The following RBFOX1 variants were observed in gnomAD, a reference collection of about 807,000 sequenced individuals.
The protein encoded by RBFOX1 is RNA binding protein fox-1 homolog 1.
Under a neutral mutation model 57.7 loss-of-function variants are expected in RBFOX1, and 8 were observed. That is an observed-to-expected ratio of 0.14 (90% CI 0.08 to 0.25). RBFOX1 has a LOEUF of 0.25. Ranked by LOEUF, RBFOX1 falls within the 10% of genes least tolerant of loss-of-function variation. The pLI is 1.00. For synonymous variants in RBFOX1, 326 were observed against 222.4 expected (o/e 1.47, Z -4.15); for missense variants, 611 against 548.5 (o/e 1.11, Z -1.14).
rs963354747 is a variant in RBFOX1 at position 7,266,405 on chromosome 16, C to T, written c.27+214307C>T. On this transcript the variant is annotated intron_variant, in intron 4 of 15. Coordinates refer to ENST00000550418, the MANE Select transcript of RBFOX1 (RefSeq NM_018723.4). ...CCATGACGAAAGTCCCCTGAGGCTT[C>T]GCTGGAAGCCCAGCAGATGCCTGCG... Among the ~76,000 whole-genome samples the T allele has an allele frequency of 7.9e-5, 12 of 152,224 alleles. 1 individual carries two copies. The highest frequency in any genetic ancestry group is 2.4e-4 in the African/African-American group (10 of 41,458).
chr16:6,644,870 C>G (rs1191114791), intron 2 of RBFOX1, among the ~76,000 whole-genome samples: 2 of 152,152 alleles, frequency 1.3e-5, no homozygotes, highest in African/African-American at 4.8e-5. Flanking sequence ...TATTAAGTAG[C>G]CAAGCATCCT....
At chr16:6,540,729 C>A (rs944898738) in intron 2 of RBFOX1, among the ~76,000 whole-genome samples, 1 of 150,936 alleles carries the variant, frequency 6.6e-6, no homozygotes, top group Non-Finnish European at 1.5e-5. Flanking sequence ...TAAACATATT[C>A]AGATTTTAAA....
chr16:5,558,180 C>G (rs2045751339), intron 2 of RBFOX1, among the ~76,000 whole-genome samples: 1 of 152,316 alleles, frequency 6.6e-6, no homozygotes, highest in African/African-American at 2.4e-5. Flanking sequence ...ACTTGGGATA[C>G]AGAAGGCTGT....
Position 6,853,051 on chromosome 16 carries a change from A to C in RBFOX1, c.-16+198401A>C, listed in dbSNP as rs1218584210. ...GTCCCAGCTGGCTTATTGCCAGGCA[A>C]CCCAGAGACAGCCTCTGGTGTTACC... On this transcript the variant is annotated intron_variant, in intron 3 of 15. Transcript: ENST00000550418. Among the ~76,000 whole-genome samples the C allele has an allele frequency of 2.6e-5, 4 of 152,132 alleles. No homozygotes were observed. The East Asian group carries it at 5.8e-4, about 22-fold the overall frequency.
At chr16:5,710,417 C>T (rs2151505672) in intron 3 of RBFOX1, among the ~76,000 whole-genome samples, 1 of 152,280 alleles carries the variant, frequency 6.6e-6, no homozygotes, top group South Asian at 2.1e-4. Flanking sequence ...TAGCCTTGCG[C>T]AGTTGCGGGC....
chr16:7,602,764 C>G (rs537673205), intron 9 of RBFOX1, among the ~76,000 whole-genome samples: 18 of 152,284 alleles, frequency 1.2e-4, no homozygotes, highest in Non-Finnish European at 2.6e-4. Context: ...AATACCTTTT[C>G]CAACAGCTGC....
At chr16:7,634,322 T>C in intron 11 of RBFOX1, among the ~76,000 whole-genome samples, 1 of 152,158 alleles carries the variant, frequency 6.6e-6, no homozygotes, top group African/African-American at 2.4e-5. Context: ...AAGATAACTC[T>C]GGAGCTTCGT....
intron 3 of RBFOX1, among the ~76,000 whole-genome samples, chr16:5,830,867 G>A (rs942247511): frequency 1.3e-5 from 2 of 152,144 alleles, no homozygotes; most frequent in South Asian, 4.1e-4. Context: ...TGCCTACCAT[G>A]CATAGAATGA....
At chr16:6,774,328 G>A (rs2078964628) in intron 3 of RBFOX1, among the ~76,000 whole-genome samples, 2 of 152,120 alleles carry the variant, frequency 1.3e-5, no homozygotes, top group Non-Finnish European at 2.9e-5. Context: ...TCAGAATGCA[G>A]CCATTAGGGC....
chr16:7,602,691 C>G (rs1229584364), intron 9 of RBFOX1, among the ~76,000 whole-genome samples: 1 of 152,088 alleles, frequency 6.6e-6, no homozygotes, highest in Non-Finnish European at 1.5e-5. Flanking sequence ...CTCTGTAAGT[C>G]TGAGTGGAGG....
chr16:5,827,565 T>C (rs1030477448), intron 3 of RBFOX1, among the ~76,000 whole-genome samples: 19 of 152,086 alleles, frequency 1.2e-4, no homozygotes, highest in African/African-American at 4.3e-4. Context: ...GTAACTGTTT[T>C]AGGCTTTCTG....
chr16:5,751,926 A>G (rs779516071), intron 3 of RBFOX1, among the ~76,000 whole-genome samples: 3 of 152,246 alleles, frequency 2.0e-5, no homozygotes, highest in Non-Finnish European at 4.4e-5. Flanking sequence ...ATTCCTGGGT[A>G]TATACCCAAA....
chr16:7,143,822 T>A (rs1329950198), intron 4 of RBFOX1, among the ~76,000 whole-genome samples: 2 of 152,138 alleles, frequency 1.3e-5, no homozygotes, highest in Non-Finnish European at 2.9e-5. Context: ...ACACAGTATA[T>A]CTTACAGGTA....
chr16:5,252,652 C>T (rs2878071), intron 1 of RBFOX1, among the ~76,000 whole-genome samples: 74,372 of 151,264 alleles, frequency 0.49, 18,207 homozygotes, highest in East Asian at 0.59. Flanking sequence ...GTCTTCTTCA[C>T]GGGGGATGAC....
intron 1 of RBFOX1, among the ~76,000 whole-genome samples, chr16:5,424,979 T>TTTCTTTCTTTC (rs769526087): frequency 3.2e-5 from 2 of 61,810 alleles, no homozygotes; most frequent in Admixed American, 1.5e-4. Context: ...TCTTTCTTTC[T>TTTCTTTCTTTC]TTTCTTTTCT....
intron 1 of RBFOX1, among the ~76,000 whole-genome samples, chr16:5,253,888 G>A (rs185302384): frequency 6.6e-6 from 1 of 152,326 alleles, no homozygotes; most frequent in Non-Finnish European, 1.5e-5. Context: ...TCATCTGACA[G>A]TGGAGTCACT....
At chr16:6,414,921 G>T (rs1303182873) in intron 2 of RBFOX1, among the ~76,000 whole-genome samples, 1 of 152,060 alleles carries the variant, frequency 6.6e-6, no homozygotes, top group African/African-American at 2.4e-5. Context: ...GCAGAGCAAA[G>T]AATGAACCGG....
intron 4 of RBFOX1, among the ~76,000 whole-genome samples, chr16:7,209,788 G>C (rs112648732): frequency 0.011 from 1,633 of 152,236 alleles, 26 homozygotes; most frequent in African/African-American, 0.037. Flanking sequence ...GTTGTGTTCA[G>C]CCAAATGTTG....
At chr16:7,561,232 C>G in intron 5 of RBFOX1, among the ~76,000 whole-genome samples, 1 of 152,202 alleles carries the variant, frequency 6.6e-6, no homozygotes, top group East Asian at 1.9e-4. Context: ...TATCAAAACA[C>G]AGCCACATTC....
Sources: gnomAD v4.1 joint callset for allele counts (sites outside exome capture counted in the v4.1 genomes callset) on GRCh38, gnomAD v4.1.1 for gene constraint, MANE v1.5 for transcripts, NCBI Gene and HGNC (gene_info 2026-07-23, HGNC 2026-07-21) for gene names.